The following NAALADL2 variants were observed in gnomAD, a reference collection of about 807,000 sequenced individuals.
NAALADL2 encodes N-acetylated alpha-linked acidic dipeptidase like 2, also known as inactive N-acetylated-alpha-linked acidic dipeptidase-like protein 2.
Under a neutral mutation model 87.2 loss-of-function variants are expected in NAALADL2, and 76 were observed. That is an observed-to-expected ratio of 0.87 (90% CI 0.72 to 1.05). The LOEUF is 1.05. Among genes scored for constraint, NAALADL2 ranks in the 50% least tolerant of loss-of-function variants. The pLI, the probability that NAALADL2 is intolerant of heterozygous loss-of-function variation, is 0.00. For synonymous variants in NAALADL2, 354 were observed against 331.0 expected (o/e 1.07, Z -0.75); for missense variants, 1,089 against 945.8 (o/e 1.15, Z -1.99).
chr3:174,913,258 G>C (rs886391829), intron 1 of NAALADL2, among the ~76,000 whole-genome samples: 1 of 152,094 alleles, frequency 6.6e-6, no homozygotes, highest in East Asian at 1.9e-4. Context: ...CTTCTTTAAT[G>C]AAAACATGTC....
intron 3 of NAALADL2, among the ~76,000 whole-genome samples, chr3:174,828,433 A>C (rs1419069200): frequency 6.6e-6 from 1 of 152,194 alleles, no homozygotes; most frequent in Admixed American, 6.5e-5. Context: ...ACATTAATTG[A>C]GGCAGAAAGA....
chr3:175,622,132 CTT>C (rs1373081282), intron 10 of NAALADL2, among the ~76,000 whole-genome samples: 3 of 152,128 alleles, frequency 2.0e-5, no homozygotes, highest in African/African-American at 4.8e-5. Context: ...TGTATTAACA[CTT>C]ATCAAATTAA....
At chr3:174,930,861 A>T (rs931130997) in intron 1 of NAALADL2, among the ~76,000 whole-genome samples, 2 of 151,754 alleles carry the variant, frequency 1.3e-5, no homozygotes, top group African/African-American at 4.8e-5. Context: ...TGACCTTGTG[A>T]TCCGCCCACC....
chr3:174,610,298 A>G (rs1719678023), intron 2 of NAALADL2, among the ~76,000 whole-genome samples: 1 of 152,044 alleles, frequency 6.6e-6, no homozygotes. Flanking sequence ...TAGCAACAAA[A>G]GACAAAATTG....
rs575131139 is a variant in NAALADL2, at chr3:174,530,986, T to C, written c.-183-19583T>C. ...AATTTGTTGAAGCAATTTATTGAGGTAAAGCACACTGACCTACAGTTCATA... is the reference window on the plus strand; with the variant it reads ...AATTTGTTGAAGCAATTTATTGAGGCAAAGCACACTGACCTACAGTTCATA... On this transcript the variant is annotated intron_variant, in intron 1 of 3. Transcript: ENST00000434257. Among the ~76,000 whole-genome samples the C allele has an allele frequency of 2.6e-5, 4 of 152,324 alleles. No individual in the cohort carries two copies. The South Asian group carries it at 8.3e-4, about 32-fold the overall frequency.
chr3:174,989,020 A>T (rs1317518622), intron 1 of NAALADL2, among the ~76,000 whole-genome samples: 1 of 152,204 alleles, frequency 6.6e-6, no homozygotes, highest in East Asian at 1.9e-4. Context: ...GTGAAGAGGA[A>T]CTGATGTGTA....
intron 1 of NAALADL2, among the ~76,000 whole-genome samples, chr3:174,521,588 A>G (rs1359513516): frequency 1.3e-5 from 2 of 150,806 alleles, no homozygotes; most frequent in Non-Finnish European, 3.0e-5. Flanking sequence ...AAAAAAAAAA[A>G]AAAAAAAAGA....
chr3:174,834,237 A>G (rs978769478), intron 3 of NAALADL2, among the ~76,000 whole-genome samples: 9 of 148,034 alleles, frequency 6.1e-5, no homozygotes, highest in African/African-American at 2.3e-4. Flanking sequence ...AGAGCAAAAG[A>G]GATTTGCCAA....
intron 1 of NAALADL2, chr3:174,523,424 C>T (rs182105532): frequency 1.3e-5 from 2 of 152,178 alleles, no homozygotes; most frequent in East Asian, 3.9e-4. Context: ...GTAATTTCGG[C>T]TTATTTTACA....
intron 10 of NAALADL2, among the ~76,000 whole-genome samples, chr3:175,592,661 T>TTC (rs1210747478): frequency 6.8e-6 from 1 of 147,242 alleles, no homozygotes; most frequent in Non-Finnish European, 1.5e-5. Flanking sequence ...ACACTGCATA[T>TTC]TCTCACTCAT....
chr3:175,717,007 T>G (rs1741391722), intron 11 of NAALADL2, among the ~76,000 whole-genome samples: 1 of 152,210 alleles, frequency 6.6e-6, no homozygotes, highest in Admixed American at 6.6e-5. Flanking sequence ...TTTACTAATC[T>G]GGTGCTACAG....
chr3:175,542,738 T>C (rs571862870), intron 9 of NAALADL2, among the ~76,000 whole-genome samples: 6 of 152,066 alleles, frequency 3.9e-5, no homozygotes, highest in Non-Finnish European at 7.4e-5. Context: ...TGAAAAAAAA[T>C]CTGATGTAAG....
chr3:174,756,485 T>C (rs1181235414), intron 3 of NAALADL2, among the ~76,000 whole-genome samples: 1 of 152,226 alleles, frequency 6.6e-6, no homozygotes, highest in African/African-American at 2.4e-5. Flanking sequence ...ATTTTTATAA[T>C]GGCTTTAAAA....
chr3:175,777,611 C>A (rs1294252855), intron 13 of NAALADL2, among the ~76,000 whole-genome samples: 1 of 152,082 alleles, frequency 6.6e-6, no homozygotes, highest in East Asian at 1.9e-4. Context: ...AGATAAGTAT[C>A]TGTCAGAGTT....
At chr3:174,911,290 T>G (rs1733672789) in intron 1 of NAALADL2, among the ~76,000 whole-genome samples, 1 of 152,150 alleles carries the variant, frequency 6.6e-6, no homozygotes, top group East Asian at 1.9e-4. Flanking sequence ...GACTGATTCA[T>G]AAGGGTAGGA....
intron 11 of NAALADL2, among the ~76,000 whole-genome samples, chr3:175,708,010 A>C (rs954512259): frequency 3.9e-5 from 6 of 152,062 alleles, no homozygotes; most frequent in African/African-American, 1.4e-4. Context: ...GGGGGAAAAA[A>C]AAACAAACAA....
intron 2 of NAALADL2, among the ~76,000 whole-genome samples, chr3:174,701,339 T>C (rs1016535989): frequency 6.6e-6 from 1 of 151,846 alleles, no homozygotes. Context: ...GAAGGGGTGT[T>C]ATGAGCTAAT....
At chr3:174,951,867 A>G (rs1202922579) in intron 1 of NAALADL2, among the ~76,000 whole-genome samples, 1 of 152,084 alleles carries the variant, frequency 6.6e-6, no homozygotes, top group Non-Finnish European at 1.5e-5. Flanking sequence ...ATTATTCAAC[A>G]TTGATTTATA....
chr3:175,635,193 A>G (rs756433498), intron 11 of NAALADL2, among the ~76,000 whole-genome samples: 3 of 152,100 alleles, frequency 2.0e-5, no homozygotes, highest in Non-Finnish European at 4.4e-5. Context: ...TATAATTTGT[A>G]AAGACACGCC....
Sources: allele counts gnomAD v4.1 joint callset (sites outside exome capture counted in the v4.1 genomes callset), GRCh38; gene constraint gnomAD v4.1.1; transcripts MANE v1.5; gene names NCBI Gene and HGNC (gene_info 2026-07-23, HGNC 2026-07-21).